Variants in ERMP1 observed in about 807,000 individuals in gnomAD.
ERMP1 encodes the protein endoplasmic reticulum metallopeptidase 1, also known as Felix-ina.
In ERMP1, 86 loss-of-function variants were observed where a neutral mutation model predicts 92.0. The ratio of observed to expected loss-of-function variants is 0.93; its 90% CI spans 0.79 to 1.12. The LOEUF (loss-of-function observed/expected upper bound fraction) is 1.12. Ranked by LOEUF, ERMP1 falls within the 50% of genes most tolerant of loss-of-function variation. The pLI, the probability that ERMP1 is intolerant of heterozygous loss-of-function variation, is 0.00. For synonymous variants in ERMP1, 530 were observed against 412.8 expected (o/e 1.28, Z -3.44); for missense variants, 1,342 against 1,116.3 (o/e 1.20, Z -2.88).
intron 6 of ERMP1, among the ~76,000 whole-genome samples, chr9:5,841,039 T>C (rs547791205): frequency 1.3e-5 from 2 of 152,346 alleles, no homozygotes; most frequent in African/African-American, 2.4e-5. Flanking sequence ...GTTACTGTTC[T>C]GCTCTCCCTA....
At chr9:5,791,011 G>C (rs191691320) in intron 13 of ERMP1, among the ~76,000 whole-genome samples, 23 of 152,112 alleles carry the variant, frequency 1.5e-4, no homozygotes, top group Non-Finnish European at 2.8e-4. Flanking sequence ...GTAGGCAAGG[G>C]GAAAAGTGAT....
At chr9:5,828,054 A>G (rs1200870666) in intron 2 of ERMP1, among the ~76,000 whole-genome samples, 1 of 152,268 alleles carries the variant, frequency 6.6e-6, no homozygotes, top group Non-Finnish European at 1.5e-5. Context: ...CTGTAATCCC[A>G]GCACTTTGGG....
Position 5,787,123 on chromosome 9 carries a change from A to T in ERMP1, c.*21T>A. 3 of 1,606,082 alleles carry T rather than the reference A, an allele frequency of 1.9e-6. No individual in the cohort carries two copies. Among genetic ancestry groups the T allele is most frequent in the Admixed American group, 1.7e-5 (1 of 59,668 alleles). On this transcript the variant is annotated 3_prime_UTR_variant, in exon 15 of 15. Coordinates refer to ENST00000339450, the MANE Select transcript of ERMP1 (RefSeq NM_024896.3). ...CACATGGAGTATCCACTGGGCATGT[A>T]CTTAGAGCTCATCCACAAGATTAAA...
intron 2 of ERMP1, among the ~76,000 whole-genome samples, chr9:5,828,730 C>G (rs777009656): frequency 1.8e-4 from 28 of 152,168 alleles, no homozygotes; most frequent in Non-Finnish European, 4.0e-4. Context: ...CTCTTTTTAA[C>G]CTGTCTTTTG....
At chr9:5,807,053 G>A (rs1436508889) in intron 8 of ERMP1, among the ~76,000 whole-genome samples, 1 of 152,154 alleles carries the variant, frequency 6.6e-6, no homozygotes, top group African/African-American at 2.4e-5. Context: ...TCAATTTGAA[G>A]CTGAATGCCA....
chr9:5,831,076 C>A, intron 1 of ERMP1, 48 bp from the exon 2 acceptor site: 1 of 1,512,356 alleles, frequency 6.6e-7, no homozygotes. Flanking sequence ...AAAATTGACA[C>A]TTAGCGTGGG....
chr9:5,819,879 G>C (rs561711675), intron 4 of ERMP1, among the ~76,000 whole-genome samples: 1 of 152,310 alleles, frequency 6.6e-6, no homozygotes, highest in African/African-American at 2.4e-5. Flanking sequence ...GAAAATGGGA[G>C]TGACTGCTAA....
upstream of ERMP1, among the ~76,000 whole-genome samples, chr9:5,833,506 A>C (rs1299684802): frequency 6.6e-6 from 1 of 152,204 alleles, no homozygotes; most frequent in Non-Finnish European, 1.5e-5. Flanking sequence ...GGCCCGGCCT[A>C]TTGCTTTCAC....
At chr9:5,802,493 T>C (rs1030702126) in intron 10 of ERMP1, among the ~76,000 whole-genome samples, 1 of 152,230 alleles carries the variant, frequency 6.6e-6, no homozygotes, top group Non-Finnish European at 1.5e-5. Flanking sequence ...CAAGCGATTC[T>C]TGTGCCTCAG....
chr9:5,809,720 T>C (rs1161434382), intron 8 of ERMP1, among the ~76,000 whole-genome samples: 1 of 152,200 alleles, frequency 6.6e-6, no homozygotes, highest in East Asian at 1.9e-4. Flanking sequence ...GCCCAGGACA[T>C]ATTTACAAAC....
chr9:5,807,669 C>T (rs752671538), intron 8 of ERMP1, among the ~76,000 whole-genome samples: 7 of 152,034 alleles, frequency 4.6e-5, no homozygotes, highest in African/African-American at 7.2e-5. Context: ...CAGCTAGAAC[C>T]CAGGAGGCAG....
rs547574721 is a variant in ERMP1 at position 5,792,582 on chromosome 9, CTT to C, written c.2387-4991_2387-4990del. 7.5e-4 allele frequency among the ~76,000 whole-genome samples: 114 copies of C among 152,158 alleles called. 1 individual carries two copies. The highest frequency in any genetic ancestry group is 2.6e-3 in the African/African-American group (110 of 41,514). On this transcript the variant is annotated intron_variant, in intron 13 of 14. Coordinates refer to ENST00000339450, the MANE Select transcript of ERMP1 (RefSeq NM_024896.3). ...TCCTAAATTGCTGGTCAATTTAAGA[CTT>C]AAACTTTAGGGCAAGAAAAACCACA...
chr9:5,788,894 T>G (rs1423559815), intron 13 of ERMP1, among the ~76,000 whole-genome samples: 1 of 151,844 alleles, frequency 6.6e-6, no homozygotes, highest in Non-Finnish European at 1.5e-5. Flanking sequence ...ACCTTAGAAA[T>G]GAAGACAATT....
intron 6 of ERMP1, among the ~76,000 whole-genome samples, chr9:5,850,347 G>A (rs1409263640): frequency 7.3e-6 from 1 of 136,500 alleles, no homozygotes; most frequent in East Asian, 2.3e-4. Context: ...GAAAGTTGCA[G>A]TGAGCCAAGA....
upstream of ERMP1, among the ~76,000 whole-genome samples, chr9:5,834,033 C>G (rs539983683): frequency 6.6e-6 from 1 of 152,272 alleles, no homozygotes; most frequent in South Asian, 2.1e-4. Context: ...GAGCACACTG[C>G]CGGATTTTGA....
rs1829158753 is a variant in ERMP1, at chr9:5,812,971, C to T, written c.939G>A (p.Val313=). Residue 313 remains valine (V), a synonymous_variant, in exon 5 of 15, where the codon GTG becomes GTA. Coordinates refer to ENST00000339450, the MANE Select transcript of ERMP1 (RefSeq NM_024896.3). The part of the protein sequence containing the change: ...VSAAKHPFAS[V]VAQEVFQSGI... ...CACTCTGAAAAACCTCCTGAGCCAC[C>T]ACAGAAGCAAAAGGGTGTTTAGCTG... The T allele has an allele frequency of 6.2e-7, 1 of 1,613,990 alleles. No individual in the cohort carries two copies.
At chr9:5,793,906 T>C (rs1262064874) in intron 13 of ERMP1, among the ~76,000 whole-genome samples, 5 of 152,060 alleles carry the variant, frequency 3.3e-5, no homozygotes, top group African/African-American at 9.7e-5. Flanking sequence ...AAAAATATAA[T>C]TGAACTGAAC....
In ERMP1 at chr9:5,787,014, C is replaced by A. The variant is rs1827967394; in HGVS notation, c.*130G>T. The A allele has an allele frequency of 1.1e-6, 1 of 948,878 alleles. No individual in the cohort carries two copies. The highest frequency in any genetic ancestry group is 2.7e-5 in the East Asian group (1 of 37,514). 58.8% of individuals were successfully genotyped at this position (948,878 alleles called of 1,614,324 possible). ...AGTGCTTGGCCCTGAAAAGCGTTAA[C>A]CCAGAAAGCTCTTTGAACATATGAT... On this transcript the variant is annotated 3_prime_UTR_variant, in exon 15 of 15. Coordinates refer to ENST00000339450, the MANE Select transcript of ERMP1 (RefSeq NM_024896.3).
chr9:5,804,803 G>T (rs998099115), intron 10 of ERMP1, among the ~76,000 whole-genome samples: 1 of 151,830 alleles, frequency 6.6e-6, no homozygotes, highest in Non-Finnish European at 1.5e-5. Context: ...CAGAGAATTT[G>T]GAAGGATAGG....
Sources: allele counts gnomAD v4.1 joint callset (sites outside exome capture counted in the v4.1 genomes callset), GRCh38; gene constraint gnomAD v4.1.1; transcripts MANE v1.5; gene names NCBI Gene and HGNC (gene_info 2026-07-23, HGNC 2026-07-21).